Variants in TENM3 observed in about 807,000 individuals in gnomAD.
The protein encoded by TENM3 is teneurin-3.
Under a neutral mutation model 255.1 loss-of-function variants are expected in TENM3, and 63 were observed. The ratio of observed to expected loss-of-function variants is 0.25; its 90% confidence interval spans 0.20 to 0.30. TENM3 has a LOEUF of 0.30. TENM3 is among the 10% of genes least tolerant of loss of function. The pLI, the probability that TENM3 is intolerant of heterozygous loss-of-function variation, is 1.00. For synonymous variants in TENM3, 1,306 were observed against 1,322.3 expected (o/e 0.99, Z 0.27); for missense variants, 2,929 against 3,461.1 (o/e 0.85, Z 3.86).
intron 3 of TENM3, among the ~76,000 whole-genome samples, chr4:182,523,714 A>C (rs1360506704): frequency 6.6e-6 from 1 of 152,144 alleles, no homozygotes; most frequent in Non-Finnish European, 1.5e-5. Context: ...GTCTTTTATT[A>C]CTGTTTGTTT....
the TENM3 span, among the ~76,000 whole-genome samples, chr4:182,000,031 T>G: frequency 1.3e-5 from 2 of 152,296 alleles, no homozygotes; most frequent in Admixed American, 1.3e-4. Context: ...ATGAAAATTA[T>G]CAATAGACTT....
chr4:181,623,143 T>C, the TENM3 span, among the ~76,000 whole-genome samples: 1 of 152,116 alleles, frequency 6.6e-6, no homozygotes, highest in South Asian at 2.1e-4. Flanking sequence ...TGACAAAAAA[T>C]TCAGGATCAG....
At chr4:182,501,910 T>C (rs1363380663) in intron 3 of TENM3, among the ~76,000 whole-genome samples, 1 of 152,180 alleles carries the variant, frequency 6.6e-6, no homozygotes, top group Non-Finnish European at 1.5e-5. Flanking sequence ...TGAGTCTTAA[T>C]TTACTTCCTC....
rs1336011717 is a variant in TENM3, at chr4:182,517,591, G to T, written c.512-83333G>T. 2.3e-5 allele frequency among the ~76,000 whole-genome samples: 3 copies of T among 132,048 alleles called. No homozygotes were observed. The East Asian group carries it at 7.1e-4, about 31-fold the overall frequency. 86.6% of individuals were successfully genotyped at this position (132,048 alleles called of 152,430 possible). A position where few individuals can be genotyped will look rare whatever the true frequency, so the allele number is the denominator to read the frequency against. On this transcript the variant is annotated intron_variant, in intron 3 of 27. Coordinates refer to ENST00000511685, the MANE Select transcript of TENM3 (RefSeq NM_001080477.4). ...GTAGAGACGGGGTTTCACCGTGTTA[G>T]CCAGGATGGTCTCGATCTCCTGACC...
At chr4:181,900,022 T>C in the TENM3 span, among the ~76,000 whole-genome samples, 2 of 152,198 alleles carry the variant, frequency 1.3e-5, no homozygotes, top group African/African-American at 2.4e-5. Flanking sequence ...GTAATTAATT[T>C]AGCAGAGAGA....
At chr4:182,697,034 C>T (rs1182460785) in intron 12 of TENM3, among the ~76,000 whole-genome samples, 42 of 152,080 alleles carry the variant, frequency 2.8e-4, no homozygotes, top group Non-Finnish European at 5.9e-5. Context: ...CTCGTAGAGT[C>T]CCTGAGAGTA....
chr4:182,268,444 G>T (rs1421076481), intron 1 of TENM3, among the ~76,000 whole-genome samples: 1 of 152,050 alleles, frequency 6.6e-6, no homozygotes. Context: ...AAAATGAAGG[G>T]TTCTCTTATA....
chr4:182,755,813 C>G (rs1048486003), intron 22 of TENM3, among the ~76,000 whole-genome samples: 4 of 151,968 alleles, frequency 2.6e-5, no homozygotes, highest in African/African-American at 9.7e-5. Flanking sequence ...GCACTCCAGT[C>G]TCTGGGCGAC....
intron 1 of TENM3, among the ~76,000 whole-genome samples, chr4:182,153,200 G>A (rs1313501921): frequency 6.6e-6 from 1 of 151,874 alleles, no homozygotes; most frequent in Non-Finnish European, 1.5e-5. Context: ...TAGATGATCC[G>A]ATAATTCTGG....
At chr4:181,747,206 A>G in the TENM3 span, among the ~76,000 whole-genome samples, 1 of 152,122 alleles carries the variant, frequency 6.6e-6, no homozygotes, top group Non-Finnish European at 1.5e-5. Flanking sequence ...AATTTTTACC[A>G]AGTTAATAGA....
chr4:182,660,377 T>C (rs1754130507), intron 6 of TENM3, among the ~76,000 whole-genome samples: 1 of 152,224 alleles, frequency 6.6e-6, no homozygotes, highest in Admixed American at 6.5e-5. Flanking sequence ...GAACTGAAGC[T>C]CTGCCACTCA....
At chr4:181,468,956 A>G in the TENM3 span, among the ~76,000 whole-genome samples, 1 of 152,194 alleles carries the variant, frequency 6.6e-6, no homozygotes, top group Non-Finnish European at 1.5e-5. Context: ...TCCTTTTGGT[A>G]TATCAGTTTG....
intron 5 of TENM3, among the ~76,000 whole-genome samples, chr4:182,634,877 C>T (rs930234282): frequency 2.0e-5 from 3 of 152,120 alleles, no homozygotes; most frequent in Non-Finnish European, 4.4e-5. Context: ...TAGAAGATAA[C>T]CTGAAATGTC....
the TENM3 span, among the ~76,000 whole-genome samples, chr4:181,697,432 C>T: frequency 6.6e-6 from 1 of 152,126 alleles, no homozygotes; most frequent in South Asian, 2.1e-4. Flanking sequence ...CTTGCTCTGT[C>T]GCCCAGGCTG....
the TENM3 span, among the ~76,000 whole-genome samples, chr4:181,893,846 T>C: frequency 1.3e-5 from 2 of 152,180 alleles, no homozygotes; most frequent in Non-Finnish European, 2.9e-5. Context: ...CCAAAGCCTT[T>C]GAAATAATTT....
chr4:181,759,810 A>G, the TENM3 span, among the ~76,000 whole-genome samples: 3 of 151,566 alleles, frequency 2.0e-5, no homozygotes, highest in Admixed American at 2.0e-4. Flanking sequence ...TGTTTAATAA[A>G]CAATTACATC....
intron 1 of TENM3, among the ~76,000 whole-genome samples, chr4:182,231,421 A>G (rs1398036173): frequency 1.3e-5 from 2 of 152,174 alleles, no homozygotes; most frequent in Non-Finnish European, 2.9e-5. Context: ...TCTAGCATGC[A>G]TAATTATGTC....
At chr4:181,826,168 T>C in the TENM3 span, among the ~76,000 whole-genome samples, 2 of 152,226 alleles carry the variant, frequency 1.3e-5, no homozygotes, top group Admixed American at 6.5e-5. Context: ...CCATAACTTG[T>C]AATAAAATTT....
intron 22 of TENM3, among the ~76,000 whole-genome samples, chr4:182,766,373 T>TAAA (rs1483651305): frequency 2.0e-5 from 3 of 151,116 alleles, no homozygotes; most frequent in African/African-American, 7.3e-5. Flanking sequence ...ATAAACAATT[T>TAAA]AAAAAAGAAA....
Sources: allele counts gnomAD v4.1 joint callset (sites outside exome capture counted in the v4.1 genomes callset), GRCh38; gene constraint gnomAD v4.1.1; transcripts MANE v1.5; gene names NCBI Gene and HGNC (gene_info 2026-07-23, HGNC 2026-07-21).